ADGRD1: variants seen among roughly 807,000 people sequenced by gnomAD.
ADGRD1 encodes G-protein coupled receptor 133.
A neutral mutation model predicts 113.4 loss-of-function variants in ADGRD1; 77 were observed. The observed-to-expected ratio is 0.68, with a 90% CI of 0.57 to 0.82. The LOEUF is 0.82. Ranked by LOEUF, ADGRD1 falls within the 40% of genes least tolerant of loss-of-function variation. The pLI is 0.00. For synonymous variants in ADGRD1, 474 were observed against 475.0 expected (o/e 1.00, Z 0.03); for missense variants, 1,036 against 1,139.1 (o/e 0.91, Z 1.30).
At chr12:130,968,918 C>G (rs933315933) in intron 3 of ADGRD1, 42 of 930,196 alleles carry the variant, frequency 4.5e-5, no homozygotes, top group South Asian at 3.5e-4. Context: ...ATATGTTGGT[C>G]CCATTTGTCT....
intron 13 of ADGRD1, chr12:131,069,799 C>T (rs915502055): frequency 2.6e-5 from 4 of 152,108 alleles, no homozygotes; most frequent in African/African-American, 9.7e-5. Flanking sequence ...GTATTCGGCA[C>T]AAAAAGGGCA....
At chr12:131,093,472 C>T (rs1173912920) in intron 15 of ADGRD1, among the ~76,000 whole-genome samples, 1 of 152,224 alleles carries the variant, frequency 6.6e-6, no homozygotes, top group Non-Finnish European at 1.5e-5. Context: ...CAGCCAGGTG[C>T]AGCCTTGAGC....
intron 24 of ADGRD1, among the ~76,000 whole-genome samples, chr12:131,138,600 T>C (rs6486628): frequency 0.34 from 52,039 of 151,824 alleles, 9,160 homozygotes; most frequent in Middle Eastern, 0.5. Context: ...GTGCCGCTGC[T>C]TCCCCCCTGC....
At position 131,095,309 on chromosome 12, in the gene ADGRD1, G is replaced by A. The variant is rs115691813; in HGVS notation, c.1672-9522G>A. 3.4e-3 allele frequency among the ~76,000 whole-genome samples: 524 copies of A among 152,364 alleles called. 1 individual carries two copies. The highest frequency in any genetic ancestry group is 0.012 in the African/African-American group (493 of 41,590). The stretch of plus-strand genomic sequence containing the variant: ...GGAGACGTAGCTTCAAGGTTCTGAG[G>A]GTTCCACCCCTGCCCCTCTTGACAA... On this transcript the variant is annotated intron_variant, in intron 15 of 24. Transcript: ENST00000261654.
intron 4 of ADGRD1, among the ~76,000 whole-genome samples, chr12:130,975,751 C>T (rs140069412): frequency 0.025 from 3,734 of 152,258 alleles, 65 homozygotes; most frequent in Non-Finnish European, 0.039. Flanking sequence ...AGTAAAAACA[C>T]AGACAACGGC....
intron 18 of ADGRD1, among the ~76,000 whole-genome samples, chr12:131,109,323 C>T (rs976545880): frequency 2.0e-5 from 3 of 151,844 alleles, no homozygotes; most frequent in African/African-American, 7.3e-5. Flanking sequence ...TTCTTCTTTT[C>T]CAGTGTGTCG....
At chr12:131,102,692 G>C (rs1206376011) in intron 15 of ADGRD1, among the ~76,000 whole-genome samples, 1 of 152,188 alleles carries the variant, frequency 6.6e-6, no homozygotes, top group African/African-American at 2.4e-5. Context: ...CACACACCCA[G>C]GGGACATCGT....
intron 13 of ADGRD1, among the ~76,000 whole-genome samples, chr12:131,031,058 C>T (rs60533463): frequency 0.04 from 6,104 of 152,250 alleles, 400 homozygotes; most frequent in African/African-American, 0.14. Flanking sequence ...GAGCCCGGAA[C>T]GCAGGAAGGG....
chr12:131,134,329 C>T (rs749134456), intron 21 of ADGRD1, among the ~76,000 whole-genome samples: 49 of 152,244 alleles, frequency 3.2e-4, no homozygotes, highest in Non-Finnish European at 5.9e-4. Flanking sequence ...CCCTCTTCTT[C>T]TGCTTTTGAC....
intron 9 of ADGRD1, among the ~76,000 whole-genome samples, chr12:131,001,728 T>G (rs1043263857): frequency 2.6e-5 from 4 of 152,188 alleles, no homozygotes; most frequent in Admixed American, 6.5e-5. Flanking sequence ...GGTGCTGGCT[T>G]CTCAATATGT....
chr12:130,986,373 TTATAA>T lies in ADGRD1; in HGVS notation c.491-717_491-713del, dbSNP rs1271126281. 5.3e-5 allele frequency among the ~76,000 whole-genome samples: 8 copies of T among 152,316 alleles called. No individual in the cohort carries two copies. In the South Asian group the frequency reaches 6.2e-4, roughly 12 times the overall value. On this transcript the variant is annotated intron_variant, in intron 5 of 24. Transcript: ENST00000261654. ...TTATATATAGCTTATAAATGTATTG[TTATAA>T]TATATGTATTTCTTTTTCCTTTTTT...
At chr12:131,088,248 C>T (rs1329496014) in intron 15 of ADGRD1, among the ~76,000 whole-genome samples, 4 of 152,092 alleles carry the variant, frequency 2.6e-5, no homozygotes, top group Admixed American at 6.5e-5. Context: ...CGTTCAACAG[C>T]GTGTTATTGA....
At chr12:130,972,543 G>C (rs953208332) in intron 4 of ADGRD1, among the ~76,000 whole-genome samples, 1 of 152,108 alleles carries the variant, frequency 6.6e-6, no homozygotes, top group African/African-American at 2.4e-5. Context: ...ACCACGGTCA[G>C]GTTTACAAAC....
Position 131,003,142 on chromosome 12 carries a change from G to A in ADGRD1, c.1027-43G>A. 2.5e-5 allele frequency: 37 copies of A among 1,480,990 alleles called. No individual in the cohort carries two copies. The highest frequency in any genetic ancestry group is 3.5e-5 in the Non-Finnish European group (37 of 1,058,862). The allele number at this position is 1,480,990 out of a possible 1,614,324, so 91.7% of individuals were successfully genotyped here. ...TGCACCTGCCTGGTGCCCTGGCTGA[G>A]TGGGGTGGATTTTCATGGCTCCTGG... is the stretch of plus-strand genomic sequence containing the variant. On this transcript the variant is annotated intron_variant, in intron 9 of 24. Transcript: ENST00000261654. The surrounding 1 kb of genome is among the most constrained non-coding windows in gnomAD (Gnocchi z 4.8).
chr12:131,037,201 C>T (rs539816341), intron 13 of ADGRD1, among the ~76,000 whole-genome samples: 7 of 147,826 alleles, frequency 4.7e-5, no homozygotes, highest in African/African-American at 1.5e-4. Flanking sequence ...GCCTCACTCA[C>T]TACACCAGGT....
chr12:131,132,541 C>T (rs373570692), intron 21 of ADGRD1, among the ~76,000 whole-genome samples: 2 of 152,158 alleles, frequency 1.3e-5, no homozygotes, highest in African/African-American at 4.8e-5. Flanking sequence ...GGGCCCAGCT[C>T]GCCTTCGCAT....
At chr12:131,062,371 T>G (rs1326821360) in intron 13 of ADGRD1, among the ~76,000 whole-genome samples, 3 of 152,222 alleles carry the variant, frequency 2.0e-5, no homozygotes, top group Admixed American at 1.3e-4. Flanking sequence ...CTAATAAAGC[T>G]GCTGTGAACA....
chr12:131,101,132 C>A (rs569167571), intron 15 of ADGRD1, among the ~76,000 whole-genome samples: 2 of 152,070 alleles, frequency 1.3e-5, no homozygotes, highest in South Asian at 4.2e-4. Context: ...CTATGGTGTC[C>A]GAGAGTGATA....
chr12:131,138,128 G>A lies in ADGRD1; in HGVS notation c.2437-9G>A, dbSNP rs779950223. ...AAATTGCTCTCACGATCCCTTCCCC[G>A]CTTTCAAGGTGAGAGCCGCCTTCAA... On this transcript the variant is annotated splice_polypyrimidine_tract_variant and intron_variant, in intron 23 of 24. Transcript: ENST00000261654. 3.4e-5 allele frequency: 55 copies of A among 1,612,568 alleles called. No individual in the cohort carries two copies. The highest frequency in any genetic ancestry group is 4.2e-5 in the Non-Finnish European group (49 of 1,179,422).
Sources: allele counts gnomAD v4.1 joint callset (sites outside exome capture counted in the v4.1 genomes callset), GRCh38; gene constraint gnomAD v4.1.1; non-coding constraint Gnocchi (gnomAD v3.1); transcripts MANE v1.5; gene names NCBI Gene and HGNC (gene_info 2026-07-23, HGNC 2026-07-21).